Variants in VIPR2 observed in about 807,000 individuals in gnomAD.
VIPR2 encodes vasoactive intestinal peptide receptor 2.
VIPR2 carries 48 observed loss-of-function variants against 58.0 expected under a neutral mutation model. The observed-to-expected ratio is 0.83, with a 90% CI of 0.66 to 1.05. The LOEUF (loss-of-function observed/expected upper bound fraction) is 1.05. Among genes scored for constraint, VIPR2 ranks in the 50% least tolerant of loss-of-function variants. The pLI is 0.00. For missense variants in VIPR2, 534 were observed against 558.0 expected (o/e 0.96, Z 0.43); for synonymous variants, 243 against 235.2 (o/e 1.03, Z -0.30).
chr7:159,077,696 T>C (rs1312200772), intron 4 of VIPR2, among the ~76,000 whole-genome samples: 1 of 137,684 alleles, frequency 7.3e-6, no homozygotes. Flanking sequence ...TGAGGTATTA[T>C]AGTATGCCTG....
chr7:159,115,191 A>G (rs1796191322), intron 2 of VIPR2, among the ~76,000 whole-genome samples: 1 of 152,240 alleles, frequency 6.6e-6, no homozygotes, highest in African/African-American at 2.4e-5. Flanking sequence ...TAGCCATCAC[A>G]CCAGCATTTC....
intron 2 of VIPR2, among the ~76,000 whole-genome samples, chr7:159,140,980 A>C (rs1443902278): frequency 6.6e-6 from 1 of 152,196 alleles, no homozygotes; most frequent in African/African-American, 2.4e-5. Context: ...AGAAAGTGGA[A>C]TATTTTATAT....
chr7:159,107,224 C>T (rs188936678), intron 3 of VIPR2, among the ~76,000 whole-genome samples: 3 of 152,282 alleles, frequency 2.0e-5, no homozygotes, highest in African/African-American at 7.2e-5. Context: ...GAGCTGCTGC[C>T]CTGGGTCTGG....
intron 4 of VIPR2, among the ~76,000 whole-genome samples, chr7:159,100,545 G>T (rs947034324): frequency 6.6e-6 from 1 of 152,214 alleles, no homozygotes; most frequent in Non-Finnish European, 1.5e-5. Flanking sequence ...ACCTGCCAAT[G>T]CCAGCCAGCA....
chr7:159,131,031 T>A (rs1206360008), intron 2 of VIPR2, among the ~76,000 whole-genome samples: 1 of 152,116 alleles, frequency 6.6e-6, no homozygotes, highest in Admixed American at 6.5e-5. Context: ...ATGCGCTGCC[T>A]CCGCCCAGTT....
rs115892018 is a variant in VIPR2, at chr7:159,058,409, C to T, written c.455+72G>A. 1.9e-3 allele frequency: 2,549 copies of T among 1,331,064 alleles called. 35 individuals are homozygous for T. The African/African-American group carries it at 0.032, about 17-fold the overall frequency. 82.5% of individuals were successfully genotyped at this position (1,331,064 alleles called of 1,614,324 possible). A position where few individuals can be genotyped will look rare whatever the true frequency, so the allele number is the denominator to read the frequency against. ...ACACAGAGGGCTCCAGGCTGGGTGG[C>T]GCCTAGAAGGCCTAAATGGAAACTT... On this transcript the variant is annotated intron_variant, in intron 5 of 12. Coordinates refer to ENST00000262178, the MANE Select transcript of VIPR2 (RefSeq NM_003382.5).
At chr7:159,071,251 G>A (rs1196384755) in intron 4 of VIPR2, among the ~76,000 whole-genome samples, 1 of 152,206 alleles carries the variant, frequency 6.6e-6, no homozygotes, top group Non-Finnish European at 1.5e-5. Flanking sequence ...GGCCAAGCCA[G>A]CTCAGCAGTT....
At position 159,100,818 on chromosome 7, in the gene VIPR2, G is replaced by A. The variant is rs116871441; in HGVS notation, c.357+2939C>T. Among the ~76,000 whole-genome samples, 23 of 149,812 alleles carry A rather than the reference G, an allele frequency of 1.5e-4. No individual in the cohort carries two copies. In the East Asian group the frequency reaches 4.0e-3, roughly 26 times the overall value. The stretch of plus-strand genomic sequence containing the variant: ...CCCAACTGTTCCTGTGATAGTGAAC[G>A]GGTCTCACGAGATCTGACGAGGCTG... On this transcript the variant is annotated intron_variant, in intron 4 of 12. Coordinates refer to ENST00000262178, the MANE Select transcript of VIPR2 (RefSeq NM_003382.5).
chr7:159,140,883 G>C lies in VIPR2; in HGVS notation c.151+1563C>G, dbSNP rs1797438644. 2.0e-5 allele frequency among the ~76,000 whole-genome samples: 3 copies of C among 152,198 alleles called. No homozygotes were observed. In the South Asian group the frequency reaches 6.2e-4, roughly 31 times the overall value. On this transcript the variant is annotated intron_variant, in intron 2 of 12. Coordinates refer to ENST00000262178, the MANE Select transcript of VIPR2 (RefSeq NM_003382.5). ...GCGTCGCCAATCTCAGGTTAAGCTA[G>C]GGTCCAGCTACCGTGCAGAGAGCCA...
chr7:159,107,497 A>C (rs924600541), intron 3 of VIPR2, among the ~76,000 whole-genome samples: 2 of 152,164 alleles, frequency 1.3e-5, no homozygotes, highest in Non-Finnish European at 2.9e-5. Context: ...GGGGGCAGGA[A>C]ATGTCTGAAG....
chr7:159,034,812 T>C (rs990001991), intron 8 of VIPR2, among the ~76,000 whole-genome samples, 162 bp from the exon 9 acceptor site: 5 of 152,142 alleles, frequency 3.3e-5, no homozygotes, highest in African/African-American at 1.2e-4. Context: ...CAGGGAGTGA[T>C]TGTGTTTTGT....
In VIPR2 at chr7:159,123,762, C is replaced by T. The variant is rs529407384; in HGVS notation, c.152-13843G>A. Among the ~76,000 whole-genome samples, 4 of 152,290 alleles carry T rather than the reference C, an allele frequency of 2.6e-5. No individual in the cohort carries two copies. In the East Asian group the frequency reaches 7.7e-4, roughly 29 times the overall value. On this transcript the variant is annotated intron_variant, in intron 2 of 12. Transcript: ENST00000262178. The stretch of plus-strand genomic sequence containing the variant: ...ACAATGGTTGAACTAATTTACACTC[C>T]CTCCAACAGTGTATATGTATTCCCT...
chr7:159,100,057 G>C (rs1469868387), intron 4 of VIPR2, among the ~76,000 whole-genome samples: 2 of 152,152 alleles, frequency 1.3e-5, no homozygotes, highest in Non-Finnish European at 1.5e-5. Flanking sequence ...GGATGCCATG[G>C]GGGACAGCGC....
chr7:159,100,800 G>C (rs894518648), intron 4 of VIPR2, among the ~76,000 whole-genome samples: 2 of 150,446 alleles, frequency 1.3e-5, no homozygotes, highest in Non-Finnish European at 3.0e-5. Context: ...TCCCCCAACT[G>C]TTCCTGTGAT....
intron 4 of VIPR2, among the ~76,000 whole-genome samples, chr7:159,068,598 C>T (rs939668830): frequency 8.5e-5 from 13 of 152,218 alleles, no homozygotes; most frequent in African/African-American, 2.9e-4. Context: ...CAAAGCCTGC[C>T]GGGGCCAGGA....
At position 159,045,056 on chromosome 7, in the gene VIPR2, C is replaced by T. The variant is rs554944003; in HGVS notation, c.456-1880G>A. 2.6e-5 allele frequency among the ~76,000 whole-genome samples: 4 copies of T among 152,276 alleles called. No homozygotes were observed. The East Asian group carries it at 5.8e-4, about 22-fold the overall frequency. ...AAAGTGCTGGGATTACAGGTGTGAG[C>T]CACCGCACCTGGCCTAGGTTTGAGC... On this transcript the variant is annotated intron_variant, in intron 5 of 12. Coordinates refer to ENST00000262178, the MANE Select transcript of VIPR2 (RefSeq NM_003382.5).
At chr7:159,059,903 C>G (rs116325528) in intron 4 of VIPR2, among the ~76,000 whole-genome samples, 147 of 151,332 alleles carry the variant, frequency 9.7e-4, no homozygotes, top group African/African-American at 3.4e-3. Context: ...CATCTAACCT[C>G]CATTCTCAAC....
intron 4 of VIPR2, among the ~76,000 whole-genome samples, chr7:159,101,518 G>T (rs564507238): frequency 3.0e-5 from 4 of 131,444 alleles, no homozygotes; most frequent in Non-Finnish European, 3.1e-5. Context: ...GGTAGTGAAC[G>T]GGTCTCACGA....
intron 4 of VIPR2, among the ~76,000 whole-genome samples, chr7:159,089,909 G>T (rs1308703785): frequency 6.6e-6 from 1 of 152,250 alleles, no homozygotes; most frequent in East Asian, 1.9e-4. Flanking sequence ...GGAGAGAAAA[G>T]AAGAGCAAAT....
Sources: allele counts gnomAD v4.1 joint callset (sites outside exome capture counted in the v4.1 genomes callset), GRCh38; gene constraint gnomAD v4.1.1; transcripts MANE v1.5; gene names NCBI Gene and HGNC (gene_info 2026-07-23, HGNC 2026-07-21).